Variants in ACSM1 observed in about 807,000 individuals in gnomAD.
The protein encoded by ACSM1 is acyl-coenzyme A synthetase ACSM1, mitochondrial.
A neutral mutation model predicts 75.8 loss-of-function variants in ACSM1; 79 were observed. That is an observed-to-expected ratio of 1.04 (90% CI 0.87 to 1.26). The LOEUF (loss-of-function observed/expected upper bound fraction) is 1.26, where lower values mean the gene tolerates loss of function less well. Among genes scored for constraint, ACSM1 ranks in the 50% most tolerant of loss-of-function variants. ACSM1 has a pLI of 0.00. For missense variants in ACSM1, 676 were observed against 720.1 expected, an observed-to-expected ratio of 0.94 and a Z score of 0.70; for synonymous variants, 279 against 265.8, an observed-to-expected ratio of 1.05 and a Z score of -0.48.
At chr16:20,652,974 C>A (rs1189634316) in intron 7 of ACSM1, among the ~76,000 whole-genome samples, 3 of 152,170 alleles carry the variant, frequency 2.0e-5, no homozygotes, top group African/African-American at 7.2e-5. Context: ...AGACCAATAT[C>A]CCTGATGAAC....
chr16:20,656,544 A>G (rs941966430), intron 7 of ACSM1, among the ~76,000 whole-genome samples: 1 of 152,222 alleles, frequency 6.6e-6, no homozygotes, highest in East Asian at 1.9e-4. Flanking sequence ...AAACACAAAG[A>G]TGTCAATTCT....
chr16:20,629,808 A>G (rs1233787886), intron 10 of ACSM1, among the ~76,000 whole-genome samples: 3 of 152,084 alleles, frequency 2.0e-5, no homozygotes, highest in Non-Finnish European at 2.9e-5. Context: ...CCTGGCCAAC[A>G]TGGTGAAACC....
chr16:20,673,284 T>C (rs1315560141), intron 4 of ACSM1, among the ~76,000 whole-genome samples: 1 of 151,882 alleles, frequency 6.6e-6, no homozygotes, highest in Non-Finnish European at 1.5e-5. Flanking sequence ...GCTTCTATGG[T>C]GTTCAAAGCA....
At chr16:20,635,648 C>A (rs1178340400) in intron 10 of ACSM1, among the ~76,000 whole-genome samples, 1 of 83,372 alleles carries the variant, frequency 1.2e-5, no homozygotes, top group Admixed American at 1.4e-4. Context: ...TTCTTTCTTT[C>A]TTTCATTTTG....
intron 4 of ACSM1, chr16:20,676,058 C>T (rs1467507508): frequency 2.0e-5 from 3 of 152,222 alleles, no homozygotes; most frequent in Non-Finnish European, 4.4e-5. Context: ...TCCAATCTAC[C>T]TCCCTTTACC....
At chr16:20,627,064 A>T in intron 11 of ACSM1, 125 bp downstream of exon 11, 1 of 1,300,900 alleles carries the variant, frequency 7.7e-7, no homozygotes, top group Non-Finnish European at 1.0e-6. Context: ...TCAGGGCACC[A>T]TAGACACGGC....
At chr16:20,668,366 G>A (rs2019692732) in intron 6 of ACSM1, among the ~76,000 whole-genome samples, 1 of 152,150 alleles carries the variant, frequency 6.6e-6, no homozygotes, top group South Asian at 2.1e-4. Context: ...CTCTATAGCA[G>A]CGGAAGAATT....
chr16:20,663,602 C>A (rs539143297), intron 6 of ACSM1, among the ~76,000 whole-genome samples: 1 of 152,120 alleles, frequency 6.6e-6, no homozygotes, highest in Non-Finnish European at 1.5e-5. Flanking sequence ...GGGGGAATGT[C>A]GCCCTGAAAT....
intron 5 of ACSM1, among the ~76,000 whole-genome samples, chr16:20,671,197 C>T (rs757825319): frequency 5.9e-5 from 9 of 152,146 alleles, no homozygotes; most frequent in Non-Finnish European, 1.2e-4. Context: ...TATGGAACCA[C>T]TGTCAGGCTT....
At chr16:20,695,593 T>C (rs1336616703) in intron 1 of ACSM1, among the ~76,000 whole-genome samples, 1 of 152,178 alleles carries the variant, frequency 6.6e-6, no homozygotes, top group Non-Finnish European at 1.5e-5. Flanking sequence ...CTATTATCTA[T>C]CTATCATCTA....
At chr16:20,647,195 A>C (rs990274645) in intron 7 of ACSM1, among the ~76,000 whole-genome samples, 2 of 152,198 alleles carry the variant, frequency 1.3e-5, no homozygotes, top group Non-Finnish European at 2.9e-5. Context: ...GCAGGAGATA[A>C]ATGAACCATG....
At chr16:20,624,317 C>A in intron 12 of ACSM1, 102 bp from the exon 13 acceptor site, 1 of 1,343,632 alleles carries the variant, frequency 7.4e-7, no homozygotes, top group Non-Finnish European at 9.9e-7. Context: ...GACACTGAAC[C>A]CTACAGTGTT....
chr16:20,652,745 A>G (rs893950858), intron 7 of ACSM1, among the ~76,000 whole-genome samples: 8 of 152,222 alleles, frequency 5.3e-5, no homozygotes, highest in Non-Finnish European at 1.2e-4. Context: ...AGGCTCTGAA[A>G]TTGAGGCAAT....
intron 4 of ACSM1, among the ~76,000 whole-genome samples, chr16:20,677,150 T>C (rs868085415): frequency 6.6e-6 from 1 of 151,052 alleles, no homozygotes; most frequent in Middle Eastern, 3.4e-3. Context: ...TTCTAGCTTA[T>C]GGCTAAGCCA....
In ACSM1 at chr16:20,671,533, T is replaced by C; in HGVS notation, c.750A>G (p.Gly250=). The change falls in exon 5 of 14, where the codon GGA becomes GGG. Residue 250 remains glycine, a splice_region_variant and synonymous_variant. Transcript: ENST00000520010. ...TATGTCGGTGCCCTCTTTCCTACCT[T>C]CCTGGGAAGGAGGGTTGTAAGGCCA... ...HGLALQPSFP[G]SRKLRSLKTS... is the part of the protein sequence containing the mutation. 1 of 1,605,444 alleles carries C rather than the reference T, an allele frequency of 6.2e-7. No individual in the cohort carries two copies. The highest frequency in any genetic ancestry group is 2.2e-5 in the East Asian group (1 of 44,768).
At chr16:20,668,170 A>G (rs1047425147) in intron 6 of ACSM1, among the ~76,000 whole-genome samples, 1 of 152,204 alleles carries the variant, frequency 6.6e-6, no homozygotes, top group African/African-American at 2.4e-5. Context: ...AAAATTTAAA[A>G]GACTTTTTGT....
chr16:20,669,441 AACACACAC>A (rs71149170), intron 6 of ACSM1, among the ~76,000 whole-genome samples: 177 of 141,350 alleles, frequency 1.3e-3, no homozygotes, highest in Admixed American at 1.4e-3. Context: ...TGAGTAAGAA[AACACACAC>A]ACACACACAC....
At chr16:20,642,347 C>T (rs1036018475) in intron 7 of ACSM1, among the ~76,000 whole-genome samples, 2 of 152,162 alleles carry the variant, frequency 1.3e-5, no homozygotes, top group Non-Finnish European at 2.9e-5. Context: ...ATCAGCCCCA[C>T]GTGCTGAATT....
chr16:20,635,053 G>C (rs1200763389), intron 10 of ACSM1, among the ~76,000 whole-genome samples: 1 of 152,000 alleles, frequency 6.6e-6, no homozygotes, highest in Non-Finnish European at 1.5e-5. Context: ...ACGTAGGTGT[G>C]GGTATATGTT....
Sources: allele counts gnomAD v4.1 joint callset (sites outside exome capture counted in the v4.1 genomes callset), GRCh38; gene constraint gnomAD v4.1.1; transcripts MANE v1.5; gene names NCBI Gene and HGNC (gene_info 2026-07-23, HGNC 2026-07-21).